Variants in PDE6B observed in about 807,000 individuals in gnomAD.
PDE6B encodes rod cGMP-specific 3',5'-cyclic phosphodiesterase subunit beta.
Under a neutral mutation model 109.0 loss-of-function variants are expected in PDE6B, and 106 were observed. The ratio of observed to expected loss-of-function variants is 0.97; its 90% CI spans 0.83 to 1.14. The LOEUF is 1.14. PDE6B is among the 50% of genes most tolerant of loss of function. The pLI, the probability that PDE6B is intolerant of heterozygous loss-of-function variation, is 0.00. For missense variants in PDE6B, 1,193 were observed against 1,155.6 expected, an observed-to-expected ratio of 1.03 and a Z score of -0.47; for synonymous variants, 490 against 471.3, an observed-to-expected ratio of 1.04 and a Z score of -0.51.
chr4:632,870 G>A (rs553774154), intron 1 of PDE6B, among the ~76,000 whole-genome samples: 7 of 152,272 alleles, frequency 4.6e-5, no homozygotes, highest in African/African-American at 1.2e-4. Flanking sequence ...ATAATCACTG[G>A]TATATGTCCA....
chr4:637,313 C>T (rs111756557), intron 3 of PDE6B, among the ~76,000 whole-genome samples: 1 of 152,014 alleles, frequency 6.6e-6, no homozygotes, highest in East Asian at 1.9e-4. Flanking sequence ...CCTCTGCCCC[C>T]CCGGTTCAAA....
At chr4:637,991 T>C (rs1205217107) in intron 3 of PDE6B, among the ~76,000 whole-genome samples, 1 of 152,166 alleles carries the variant, frequency 6.6e-6, no homozygotes. Flanking sequence ...TGTTATCAAG[T>C]AGAATACGGG....
intron 1 of PDE6B, among the ~76,000 whole-genome samples, chr4:632,810 A>G (rs1300576650): frequency 2.6e-5 from 4 of 150,962 alleles, no homozygotes; most frequent in South Asian, 4.2e-4. Flanking sequence ...CGAGGGTCAC[A>G]TTGTGTGGAT....
rs540898029 is a variant in PDE6B at position 636,698 on chromosome 4, C to T, written c.711+729C>T. Among the ~76,000 whole-genome samples the T allele has an allele frequency of 1.2e-4, 18 of 152,268 alleles. No individual in the cohort carries two copies. In the South Asian group the frequency reaches 2.7e-3, roughly 23 times the overall value. ...CCTTCTCCGTGTCTTGTTCTGCCTG[C>T]GGATGCTGCCTGGCCCTGGTCACCT... On this transcript the variant is annotated intron_variant, in intron 3 of 21. Transcript: ENST00000496514. This position sits in a 1 kb window ranked among gnomAD's most constrained non-coding sequence, Gnocchi z 4.5.
chr4:654,280 C>T (rs1023915613), intron 5 of PDE6B, 126 bp downstream of exon 5: 14 of 845,942 alleles, frequency 1.7e-5, no homozygotes, highest in East Asian at 7.9e-5. Flanking sequence ...GGTGGGACCC[C>T]GGGTGCCTGT....
chr4:663,907 G>T lies in PDE6B; in HGVS notation c.2021+37G>T. On this transcript the variant is annotated intron_variant, in intron 16 of 21. Transcript: ENST00000496514. This position sits in a 1 kb window ranked among gnomAD's most constrained non-coding sequence, Gnocchi z 4.0. ...CCGGGAGGGGGCGCCTCGCGGGGCG[G>T]GCGGGTAGCCTGGGACCCCCGGCAG... The T allele has an allele frequency of 6.6e-7, 1 of 1,506,792 alleles. No individual in the cohort carries two copies. The highest frequency in any genetic ancestry group is 2.4e-5 in the East Asian group (1 of 41,472). 93.3% of individuals were successfully genotyped at this position (1,506,792 alleles called of 1,614,324 possible).
In PDE6B at chr4:662,653, T is replaced by G. The variant is rs908948010; in HGVS notation, c.1832+35T>G. The G allele has an allele frequency of 7.8e-7, 1 of 1,277,202 alleles. No homozygotes were observed. The highest frequency in any genetic ancestry group is 1.1e-6 in the Non-Finnish European group (1 of 873,094). The allele number at this position is 1,277,202 out of a possible 1,614,324, so 79.1% of individuals were successfully genotyped here. ...TCAGGGCGGGCATGTGAATTAGCCCTAAATCAACTCCACGCCCTTGGCGTG... is the reference window on the plus strand; with the variant it reads ...TCAGGGCGGGCATGTGAATTAGCCCGAAATCAACTCCACGCCCTTGGCGTG... On this transcript the variant is annotated intron_variant, in intron 14 of 21. Transcript: ENST00000496514. The surrounding 1 kb of genome is among the most constrained non-coding windows in gnomAD (Gnocchi z 4.3).
chr4:629,160 A>G (rs531673052), intron 1 of PDE6B, among the ~76,000 whole-genome samples: 1 of 152,294 alleles, frequency 6.6e-6, no homozygotes, highest in South Asian at 2.1e-4. Flanking sequence ...TCTTGGCAGG[A>G]AGGAAGCACA....
At position 662,225 on chromosome 4, in the gene PDE6B, T is replaced by C. The variant is rs1211179765; in HGVS notation, c.1706T>C (p.Met569Thr). 2.6e-6 allele frequency: 4 copies of C among 1,557,516 alleles called. No individual in the cohort carries two copies. Among genetic ancestry groups the C allele is most frequent in the Middle Eastern group, 1.7e-4 (1 of 5,998 alleles). The change falls in exon 13 of 22, where the codon ATG (methionine) becomes ACG (threonine). Residue 569 changes from methionine (M) to threonine (T), a missense_variant. Transcript: ENST00000496514. The surrounding 1 kb of genome is among the most constrained non-coding windows in gnomAD (Gnocchi z 4.3). ...CACGGCTTCAACGTGGCCCAGACGA[T>C]GTTCACGCTGCTCATGGTACGTGGC... ...WRHGFNVAQT[M>T]FTLLMTGKLK... is the part of the protein sequence containing the mutation.
rs1737157743 is a variant in PDE6B, at chr4:662,017, A to T, written c.1615-117A>T. On this transcript the variant is annotated intron_variant, in intron 12 of 21. Transcript: ENST00000496514. The surrounding 1 kb of genome is among the most constrained non-coding windows in gnomAD (Gnocchi z 4.3). ...TGGGGAAGATCGGGAAGTCCAGGAG[A>T]CGGTGTGGGGATGATGGCACGGAGC... The T allele has an allele frequency of 4.3e-6, 3 of 700,892 alleles. No homozygotes were observed. Among genetic ancestry groups the T allele is most frequent in the Non-Finnish European group, 7.9e-6 (3 of 381,508 alleles). 43.4% of individuals were successfully genotyped at this position (700,892 alleles called of 1,614,324 possible).
In PDE6B at chr4:665,824, A is replaced by G. The variant is rs556524617; in HGVS notation, c.2268+495A>G. Among the ~76,000 whole-genome samples, 9 of 152,254 alleles carry G rather than the reference A, an allele frequency of 5.9e-5. No homozygotes were observed. The highest frequency in any genetic ancestry group is 2.2e-4 in the African/African-American group (9 of 41,560). ...GATAGGCGCCAGGAACAGGAGAGGC[A>G]GGGCTGCCCCAGCCCCACGTGGACC... is the stretch of plus-strand genomic sequence containing the variant. On this transcript the variant is annotated intron_variant, in intron 19 of 21. Coordinates refer to ENST00000496514, the MANE Select transcript of PDE6B (RefSeq NM_000283.4). This position sits in a 1 kb window ranked among gnomAD's most constrained non-coding sequence, Gnocchi z 4.0.
Position 664,959 on chromosome 4 carries a change from C to G in PDE6B, c.2193+15C>G, listed in dbSNP as rs376883350. On this transcript the variant is annotated intron_variant, in intron 18 of 21. Transcript: ENST00000496514. ...TCCAGAGCAAGGTTAGAACAGAGGGCCCTCCAGACCCAGAGTCAGTGCCTC... is the reference window on the plus strand; with the variant it reads ...TCCAGAGCAAGGTTAGAACAGAGGGGCCTCCAGACCCAGAGTCAGTGCCTC... The G allele has an allele frequency of 4.4e-6, 7 of 1,598,104 alleles. 1 individual carries two copies. In the East Asian group the frequency reaches 8.9e-5, roughly 20 times the overall value.
chr4:663,014 AGT>A lies in PDE6B; in HGVS notation c.1833-84_1833-83del. 1 of 809,178 alleles carries A rather than the reference AGT, an allele frequency of 1.2e-6. No homozygotes were observed. The highest frequency in any genetic ancestry group is 1.3e-5 in the South Asian group (1 of 74,438). The allele number at this position is 809,178 out of a possible 1,614,324, so 50.1% of individuals were successfully genotyped here. A position where few individuals can be genotyped will look rare whatever the true frequency, so the allele number is the denominator to read the frequency against. Reference sequence around the variant, plus strand: ...GCAGACCCTGTCTCAAAAAAAAGAAAGTGGGGCCCATCTGGGGGGGCTGCAGA... The same window carrying A: ...GCAGACCCTGTCTCAAAAAAAAGAAAGGGGCCCATCTGGGGGGGCTGCAGA... On this transcript the variant is annotated intron_variant, in intron 14 of 21. Transcript: ENST00000496514. The surrounding 1 kb of genome is among the most constrained non-coding windows in gnomAD (Gnocchi z 4.0).
At chr4:627,150 GT>G (rs553192612) in intron 1 of PDE6B, among the ~76,000 whole-genome samples, 309 of 143,122 alleles carry the variant, frequency 2.2e-3, no homozygotes, top group African/African-American at 2.7e-3. Flanking sequence ...TCGTTTGTGG[GT>G]TTTTTTTTTT....
intron 3 of PDE6B, among the ~76,000 whole-genome samples, chr4:641,898 C>T (rs552211966): frequency 6.6e-6 from 1 of 152,264 alleles, no homozygotes; most frequent in East Asian, 1.9e-4. Context: ...CTGCCCACAT[C>T]AGCCTCCCAA....
Position 633,854 on chromosome 4 carries a change from C to A in PDE6B, c.469-823C>A, listed in dbSNP as rs1452090269. 1.6e-4 allele frequency among the ~76,000 whole-genome samples: 25 copies of A among 152,316 alleles called. No individual in the cohort carries two copies. The South Asian group carries it at 4.4e-3, about 27-fold the overall frequency. On this transcript the variant is annotated intron_variant, in intron 1 of 21. Transcript: ENST00000496514. The surrounding 1 kb of genome is among the most constrained non-coding windows in gnomAD (Gnocchi z 4.5). ...TCCAACTCTCTGAAGGACAGAATCC[C>A]AGTCACCGGGGGGTGTCTGGTCTCA...
At chr4:635,304 C>A (rs1349708648) in intron 2 of PDE6B, among the ~76,000 whole-genome samples, 1 of 140,172 alleles carries the variant, frequency 7.1e-6, no homozygotes, top group African/African-American at 2.8e-5. Context: ...TCCCTGCCCG[C>A]CTGCCCGCGT....
chr4:656,910 A>C lies in PDE6B; in HGVS notation c.1144A>C (p.Asn382His), dbSNP rs1364365536. The C allele has an allele frequency of 1.9e-6, 3 of 1,612,848 alleles. No individual in the cohort carries two copies. In the African/African-American group the frequency reaches 4.0e-5, roughly 22 times the overall value. ...GGACGACTCCGGGTGGCTCATCAAG[A>C]ATGTGCTGTCCATGCCCATCGTCAA... ...ALDDSGWLIKNVLSMPIVNKK... is the reference protein window; with the variant it reads ...ALDDSGWLIKHVLSMPIVNKK... Residue 382 changes from asparagine to histidine, a missense_variant, in exon 9 of 22, where the codon AAT becomes CAT. Coordinates refer to ENST00000496514, the MANE Select transcript of PDE6B (RefSeq NM_000283.4).
At chr4:628,389 G>A (rs933715774) in intron 1 of PDE6B, among the ~76,000 whole-genome samples, 2 of 152,202 alleles carry the variant, frequency 1.3e-5, no homozygotes, top group Admixed American at 1.3e-4. Context: ...CCCTCAGACG[G>A]GGCGTGGGTG....
Sources: allele counts gnomAD v4.1 joint callset (sites outside exome capture counted in the v4.1 genomes callset), GRCh38; gene constraint gnomAD v4.1.1; non-coding constraint Gnocchi (gnomAD v3.1); transcripts MANE v1.5; gene names NCBI Gene and HGNC (gene_info 2026-07-23, HGNC 2026-07-21).